ABTB3: variants seen among roughly 807,000 people sequenced by gnomAD.
The protein encoded by ABTB3 is ankyrin repeat- and BTB/POZ domain-containing protein 3.
At chr12:107,547,205 A>G in the ABTB3 span, among the ~76,000 whole-genome samples, 2 of 148,284 alleles carry the variant, frequency 1.3e-5, no homozygotes, top group South Asian at 4.7e-4. Flanking sequence ...AAGAAGAAGG[A>G]GAAGAAGGAG....
At chr12:107,388,220 C>T in the ABTB3 span, among the ~76,000 whole-genome samples, 1 of 152,194 alleles carries the variant, frequency 6.6e-6, no homozygotes. Context: ...GATCTGCTCA[C>T]CTCAGACTCC....
chr12:107,375,232 C>T, the ABTB3 span, among the ~76,000 whole-genome samples: 1 of 152,114 alleles, frequency 6.6e-6, no homozygotes, highest in Non-Finnish European at 1.5e-5. Flanking sequence ...GCCTGGGCAA[C>T]ATGGCGAGAC....
chr12:107,617,675 A>G, the ABTB3 span: 1 of 521,450 alleles, frequency 1.9e-6, no homozygotes, highest in Non-Finnish European at 3.3e-6. Flanking sequence ...TTAAACTCAC[A>G]GAGAGACATC....
the ABTB3 span, among the ~76,000 whole-genome samples, chr12:107,378,471 C>G: frequency 0.91 from 138,097 of 152,300 alleles, 62,650 homozygotes; most frequent in East Asian, 0.97. Flanking sequence ...CTATTTTATA[C>G]ATGAGGATCT....
At chr12:107,521,994 T>G in the ABTB3 span, among the ~76,000 whole-genome samples, 2 of 151,994 alleles carry the variant, frequency 1.3e-5, no homozygotes, top group Admixed American at 6.6e-5. Flanking sequence ...TTATTCCTCA[T>G]GGTTCTAGGG....
the ABTB3 span, among the ~76,000 whole-genome samples, chr12:107,582,363 T>C: frequency 5.9e-5 from 9 of 152,196 alleles, no homozygotes; most frequent in Admixed American, 5.9e-4. Flanking sequence ...ATAGGTTCAA[T>C]ACCATGCTCA....
the ABTB3 span, among the ~76,000 whole-genome samples, chr12:107,483,422 T>C: frequency 0.011 from 1,640 of 152,214 alleles, 41 homozygotes; most frequent in African/African-American, 0.037. Flanking sequence ...ATTTCTTTGG[T>C]CCCTGCTCTT....
the ABTB3 span, among the ~76,000 whole-genome samples, chr12:107,465,765 T>A: frequency 6.6e-6 from 1 of 152,174 alleles, no homozygotes; most frequent in African/African-American, 2.4e-5. Context: ...TTTCTCCCTT[T>A]ACACATTTCC....
At chr12:107,365,174 G>A in the ABTB3 span, among the ~76,000 whole-genome samples, 10 of 152,172 alleles carry the variant, frequency 6.6e-5, no homozygotes. Context: ...TTGTAGCAGT[G>A]CCCACATCAC....
At chr12:107,599,253 C>T in the ABTB3 span, among the ~76,000 whole-genome samples, 7 of 152,180 alleles carry the variant, frequency 4.6e-5, no homozygotes, top group African/African-American at 1.2e-4. Flanking sequence ...GTGCCTCAGC[C>T]TAACAAAAAC....
At chr12:107,548,512 T>C in the ABTB3 span, among the ~76,000 whole-genome samples, 1 of 152,320 alleles carries the variant, frequency 6.6e-6, no homozygotes, top group Non-Finnish European at 1.5e-5. Flanking sequence ...TGCATTTGTT[T>C]TGGATAGTTT....
At chr12:107,500,175 A>G in the ABTB3 span, among the ~76,000 whole-genome samples, 1 of 152,048 alleles carries the variant, frequency 6.6e-6, no homozygotes, top group Non-Finnish European at 1.5e-5. Context: ...GACAAGCTCT[A>G]TTTATTTGTT....
At chr12:107,446,336 G>A in the ABTB3 span, among the ~76,000 whole-genome samples, 1 of 152,116 alleles carries the variant, frequency 6.6e-6, no homozygotes, top group South Asian at 2.1e-4. Flanking sequence ...GTCTTTACTC[G>A]AATGGCATGT....
At chr12:107,430,532 A>T in the ABTB3 span, among the ~76,000 whole-genome samples, 10 of 152,296 alleles carry the variant, frequency 6.6e-5, no homozygotes, top group Middle Eastern at 3.4e-3. Context: ...CCTACATATA[A>T]TCATGATTTG....
the ABTB3 span, among the ~76,000 whole-genome samples, chr12:107,600,496 T>A: frequency 6.6e-6 from 1 of 152,194 alleles, no homozygotes; most frequent in African/African-American, 2.4e-5. Flanking sequence ...CCAAGACAAC[T>A]AATCTGACTG....
the ABTB3 span, among the ~76,000 whole-genome samples, chr12:107,357,967 C>T: frequency 2.0e-5 from 3 of 152,344 alleles, no homozygotes; most frequent in East Asian, 5.8e-4. Context: ...ATCTTTCCTT[C>T]CTTCCTTCCT....
chr12:107,629,436 T>G, the ABTB3 span, among the ~76,000 whole-genome samples: 1 of 152,032 alleles, frequency 6.6e-6, no homozygotes, highest in Non-Finnish European at 1.5e-5. Flanking sequence ...AAAAAAGAAT[T>G]TTGCTTCACT....
chr12:107,452,184 A>C, the ABTB3 span, among the ~76,000 whole-genome samples: 1 of 151,758 alleles, frequency 6.6e-6, no homozygotes, highest in East Asian at 1.9e-4. Flanking sequence ...ACAGATGAAA[A>C]GATCTCTGCC....
the ABTB3 span, among the ~76,000 whole-genome samples, chr12:107,469,730 G>C: frequency 6.6e-6 from 1 of 152,154 alleles, no homozygotes; most frequent in African/African-American, 2.4e-5. Context: ...CACTTATTAG[G>C]TAATAATAGC....
Sources: gnomAD v4.1 joint callset for allele counts (sites outside exome capture counted in the v4.1 genomes callset) on GRCh38, gnomAD v4.1.1 for gene constraint, MANE v1.5 for transcripts, NCBI Gene and HGNC (gene_info 2026-07-23, HGNC 2026-07-21) for gene names.